Variants in OBSL1 observed in about 807,000 individuals in gnomAD.
The protein encoded by OBSL1 is obscurin-like protein 1.
In OBSL1, 160 loss-of-function variants were observed where a neutral mutation model predicts 172.0. The observed-to-expected ratio is 0.93, with a 90% CI of 0.82 to 1.06. The LOEUF (loss-of-function observed/expected upper bound fraction) is 1.06, where lower values mean the gene tolerates loss of function less well. OBSL1 is among the 50% of genes least tolerant of loss of function. The probability of loss-of-function intolerance (pLI) is 0.00; values close to 1 mark genes in which losing one functional copy is unlikely to be tolerated. For synonymous variants in OBSL1, 1,200 were observed against 1,196.3 expected, an observed-to-expected ratio of 1.00 and a Z score of -0.06; for missense variants, 2,681 against 2,715.4, an observed-to-expected ratio of 0.99 and a Z score of 0.28.
intron 13 of OBSL1, 51 bp from the exon 14 acceptor site, chr2:219,556,343 C>T: frequency 6.4e-7 from 1 of 1,570,208 alleles, no homozygotes; most frequent in Non-Finnish European, 8.7e-7. Context: ...GAGGCTGGCC[C>T]CTTGCTCCAT....
At chr2:219,549,531 G>A (rs999939596), downstream of OBSL1, among the ~76,000 whole-genome samples, 2 of 152,208 alleles carry the variant, frequency 1.3e-5, no homozygotes, top group Non-Finnish European at 2.9e-5. Context: ...GCTGGTGGGG[G>A]AATTGGGGGA....
Position 219,559,255 on chromosome 2 carries a change from C to A in OBSL1, c.3196G>T (p.Asp1066Tyr). The A allele has an allele frequency of 6.2e-7, 1 of 1,610,564 alleles. No individual in the cohort carries two copies. The highest frequency in any genetic ancestry group is 8.5e-7 in the Non-Finnish European group (1 of 1,177,174). Residue 1066 changes from aspartate (D) to tyrosine (Y), a missense_variant, in exon 9 of 21, where the codon GAC becomes TAC. This residue lies in a region of OBSL1 where 1,765 missense variants were observed against 1,748.3 expected (regional missense o/e 1.01). Transcript: ENST00000404537. The stretch of plus-strand genomic sequence containing the variant: ...ACAGTGACAGTGAAGAAGGCCGAGT[C>A]ATCTCCAGCATCACATACAAACTCG... ...GGEFVCDAGD[D>Y]SAFFTVTVTA...
rs1420755279 is a variant in OBSL1, at chr2:219,557,422, C to A, written c.3987G>T (p.Gln1329His). 1 of 1,549,074 alleles carries A rather than the reference C, an allele frequency of 6.5e-7. No individual in the cohort carries two copies. Among genetic ancestry groups the A allele is most frequent in the Non-Finnish European group, 8.7e-7 (1 of 1,147,084 alleles). Residue 1329 changes from glutamine to histidine, a missense_variant, in exon 12 of 21, where the codon CAG (glutamine) becomes CAT (histidine). This residue lies in a region of OBSL1 where 1,765 missense variants were observed against 1,748.3 expected (regional missense o/e 1.01). Coordinates refer to ENST00000404537, the MANE Select transcript of OBSL1 (RefSeq NM_015311.3). ...QAGARQVLRV[Q>H]GARSGDAGEY... Reference sequence around the variant, plus strand: ...CCCCAGCGTCCCCGCTCCGTGCCCCCTGCACCCGCAGCACCTGCCTGGCCC... The same window carrying A: ...CCCCAGCGTCCCCGCTCCGTGCCCCATGCACCCGCAGCACCTGCCTGGCCC...
intron 15 of OBSL1, among the ~76,000 whole-genome samples, 172 bp from the exon 16 acceptor site, chr2:219,553,858 A>G (rs1574523790): frequency 7.4e-6 from 1 of 134,414 alleles, no homozygotes; most frequent in Non-Finnish European, 1.6e-5. Flanking sequence ...GGTGGGGGGG[A>G]TGTAGGTGGG....
In OBSL1 at chr2:219,551,365, A is replaced by T. The variant is rs562240466; in HGVS notation, c.5683+164T>A. 7.2e-6 allele frequency: 10 copies of T among 1,394,432 alleles called. No individual in the cohort carries two copies. In the South Asian group the frequency reaches 1.5e-4, roughly 22 times the overall value. The allele number at this position is 1,394,432 out of a possible 1,614,324, so 86.4% of individuals were successfully genotyped here. On this transcript the variant is annotated intron_variant, in intron 20 of 20. Coordinates refer to ENST00000404537, the MANE Select transcript of OBSL1 (RefSeq NM_015311.3). Reference sequence around the variant, plus strand: ...GAGCCAAGCAGTTCCAGGGCTTTCCAGCCCTGGGTGTGCTCTACCCCTCCC... The same window carrying T: ...GAGCCAAGCAGTTCCAGGGCTTTCCTGCCCTGGGTGTGCTCTACCCCTCCC...
chr2:219,559,241 G>C lies in OBSL1; in HGVS notation c.3210C>G (p.Phe1070Leu). ...VCDAGDDSAF[F>L]TVTVTAPPER... ...ACTGCCCACCTGTGACAGTGACAGTGAAGAAGGCCGAGTCATCTCCAGCAT... is the reference window on the plus strand; with the variant it reads ...ACTGCCCACCTGTGACAGTGACAGTCAAGAAGGCCGAGTCATCTCCAGCAT... Residue 1070 changes from phenylalanine to leucine, a missense_variant, in exon 9 of 21, where the codon TTC (phenylalanine) becomes TTG (leucine). By Grantham distance (22) the Phe-to-Leu change is conservative. Coordinates refer to ENST00000404537, the MANE Select transcript of OBSL1 (RefSeq NM_015311.3). 6.2e-7 allele frequency: 1 copy of C among 1,607,328 alleles called. No individual in the cohort carries two copies. The highest frequency in any genetic ancestry group is 8.5e-7 in the Non-Finnish European group (1 of 1,174,998).
chr2:219,549,142 C>T (rs1195411667), downstream of OBSL1: 2 of 1,613,720 alleles, frequency 1.2e-6, no homozygotes, highest in Admixed American at 1.7e-5. Flanking sequence ...CTCTACCCAT[C>T]CCACCACAGT....
chr2:219,548,355 G>C (rs1695438466), downstream of OBSL1, among the ~76,000 whole-genome samples: 1 of 152,240 alleles, frequency 6.6e-6, no homozygotes, highest in African/African-American at 2.4e-5. Flanking sequence ...TTCAAGGCAG[G>C]CAGGAGACAG....
At chr2:219,570,007 T>TGCCAG (rs2106111472) in intron 1 of OBSL1, among the ~76,000 whole-genome samples, 1 of 152,342 alleles carries the variant, frequency 6.6e-6, no homozygotes, top group South Asian at 2.1e-4. Flanking sequence ...CGGAATCATT[T>TGCCAG]AAGGAGTTTG....
At position 219,552,850 on chromosome 2, in the gene OBSL1, A is replaced by G. The variant is rs1695736598; in HGVS notation, c.5146+18T>C. The G allele has an allele frequency of 1.3e-6, 2 of 1,542,784 alleles. No individual in the cohort carries two copies. The highest frequency in any genetic ancestry group is 3.9e-5 in the Admixed American group (2 of 50,810). ...GCGCCCAAAGCAGTGCCCAGCCTCC[A>G]CATCACCCCGTACCCACCGCGCACG... On this transcript the variant is annotated intron_variant, in intron 17 of 20. Coordinates refer to ENST00000404537, the MANE Select transcript of OBSL1 (RefSeq NM_015311.3).
rs755639591 is a variant in OBSL1, at chr2:219,562,480, C to T, written c.2875G>A (p.Ala959Thr). ...EDTVRRLVLP[A>T]VQLEDSGEYL... ...TCGCCGGAGTCCTCGAGCTGGACAG[C>T]GGGCAGCACCAGGCGGCGGACAGTG... Residue 959 changes from alanine (A) to threonine (T), a missense_variant, in exon 8 of 21, where the codon GCT becomes ACT. Physicochemically the swap from Ala to Thr is moderately conservative, Grantham distance 58. Transcript: ENST00000404537. The T allele has an allele frequency of 6.8e-5, 109 of 1,613,886 alleles. No homozygotes were observed. The highest frequency in any genetic ancestry group is 1.6e-4 in the Middle Eastern group (1 of 6,084).
intron 9 of OBSL1, 90 bp downstream of exon 9, chr2:219,559,135 G>A (rs1696263392): frequency 2.4e-6 from 3 of 1,262,778 alleles, no homozygotes; most frequent in Non-Finnish European, 3.3e-6. Context: ...GGAAGGCTGG[G>A]GATGGGGTGG....
intron 12 of OBSL1, 190 bp from the exon 13 acceptor site, chr2:219,556,913 C>T (rs919840352): frequency 3.1e-6 from 2 of 636,996 alleles, no homozygotes; most frequent in Admixed American, 3.0e-5. Context: ...TTAGTCAGTT[C>T]CTCATAATCC....
At position 219,551,695 on chromosome 2, in the gene OBSL1, C is replaced by A. The variant is rs774502679; in HGVS notation, c.5517G>T (p.Val1839=). The change falls in exon 20 of 21, where the codon GTG becomes GTT. Residue 1839 remains valine, a synonymous_variant. Transcript: ENST00000404537. ...EVTVSRSGGH[V]CWLREGAELC... The stretch of plus-strand genomic sequence containing the variant: ...GCTCGGCCCCCTCCCGCAGCCAGCA[C>A]ACGTGGCCCCCCGAGCGGGACACAG... 10 of 1,611,064 alleles carry A rather than the reference C, an allele frequency of 6.2e-6. No homozygotes were observed. Among genetic ancestry groups the A allele is most frequent in the South Asian group, 1.1e-5 (1 of 90,944 alleles).
intron 20 of OBSL1, 72 bp from the exon 21 acceptor site, chr2:219,550,914 T>C: frequency 2.5e-6 from 4 of 1,578,750 alleles, no homozygotes; most frequent in Non-Finnish European, 3.4e-6. Flanking sequence ...TGGCAGAGCC[T>C]GGACACCAGT....
chr2:219,555,681 GTT>G, intron 14 of OBSL1: 1 of 1,124,114 alleles, frequency 8.9e-7, no homozygotes, highest in African/African-American at 1.6e-5. Context: ...GTGGGGTGCT[GTT>G]TGACAGCCAT....
At position 219,571,217 on chromosome 2, in the gene OBSL1, C is replaced by T. The variant is rs1249580049; in HGVS notation, c.16G>A (p.Gly6Arg). 8.0e-6 allele frequency: 11 copies of T among 1,376,606 alleles called. No individual in the cohort carries two copies. The highest frequency in any genetic ancestry group is 1.0e-5 in the Non-Finnish European group (11 of 1,061,334). 85.3% of individuals were successfully genotyped at this position (1,376,606 alleles called of 1,614,324 possible). ...AAGCACGGGGGGCTCCCCTGATCCCCCGAGCTCGCCTTCATCGCGGCGGCC... is the reference window on the plus strand; with the variant it reads ...AAGCACGGGGGGCTCCCCTGATCCCTCGAGCTCGCCTTCATCGCGGCGGCC... MKASS[G>R]DQGSPPCFLR... Residue 6 changes from glycine to arginine, a missense_variant, in exon 1 of 21, where the codon GGG becomes AGG. Gly to Arg is a moderately radical substitution (Grantham distance 125). Coordinates refer to ENST00000404537, the MANE Select transcript of OBSL1 (RefSeq NM_015311.3).
Position 219,570,239 on chromosome 2 carries a change from C to T in OBSL1, c.994G>A (p.Val332Met), listed in dbSNP as rs1241073694. The T allele has an allele frequency of 6.4e-7, 1 of 1,572,544 alleles. No individual in the cohort carries two copies. The highest frequency in any genetic ancestry group is 8.6e-7 in the Non-Finnish European group (1 of 1,157,156). ...RNSAGQTLSAVQLHVKEPRLR... is the reference protein window; with the variant it reads ...RNSAGQTLSAMQLHVKEPRLR... ...GCCGTACCTTTCACGTGCAGCTGCA[C>T]GGCACTGAGCGTCTGGCCCGCCGAG... The change falls in exon 1 of 21, where the codon GTG becomes ATG. Residue 332 changes from valine to methionine, a missense_variant. Coordinates refer to ENST00000404537, the MANE Select transcript of OBSL1 (RefSeq NM_015311.3).
rs1015537042 is a variant in OBSL1 at position 219,557,360 on chromosome 2, A to T, written c.4049T>A (p.Phe1350Tyr). 4.0e-6 allele frequency: 6 copies of T among 1,508,104 alleles called. No homozygotes were observed. The highest frequency in any genetic ancestry group is 4.5e-6 in the Non-Finnish European group (5 of 1,122,486). The allele number at this position is 1,508,104 out of a possible 1,614,324, so 93.4% of individuals were successfully genotyped here. A position where few individuals can be genotyped will look rare whatever the true frequency, so the allele number is the denominator to read the frequency against. The change falls in exon 12 of 21, where the codon TTC becomes TAC. Residue 1350 changes from phenylalanine to tyrosine, a missense_variant. Phe to Tyr is a conservative substitution (Grantham distance 22). Transcript: ENST00000404537. Reference sequence around the variant, plus strand: ...ACTGTTACCTTCCACGCTGACAAGGAAGATGCGGCTGTCCTGGGGCGCATC... The same window carrying T: ...ACTGTTACCTTCCACGCTGACAAGGTAGATGCGGCTGTCCTGGGGCGCATC... ...LCDAPQDSRIFLVSVEEPLLV... is the reference protein window; with the variant it reads ...LCDAPQDSRIYLVSVEEPLLV...
Sources: gnomAD v4.1 joint callset for allele counts (sites outside exome capture counted in the v4.1 genomes callset) on GRCh38, gnomAD v4.1.1 for gene constraint, gnomAD v4.1.1 regional missense constraint, MANE v1.5 for transcripts, NCBI Gene and HGNC (gene_info 2026-07-23, HGNC 2026-07-21) for gene names.